The following ACLY variants were observed in gnomAD, a reference collection of about 807,000 sequenced individuals.
ACLY encodes ATP citrate lyase.
ACLY carries 41 observed loss-of-function variants against 133.0 expected under a neutral mutation model. The ratio of observed to expected loss-of-function variants is 0.31; its 90% CI spans 0.24 to 0.40. The LOEUF is 0.40. Ranked by LOEUF, ACLY falls within the 10% of genes least tolerant of loss-of-function variation. The pLI, the probability that ACLY is intolerant of heterozygous loss-of-function variation, is 1.00. For synonymous variants in ACLY, 495 were observed against 549.3 expected, an observed-to-expected ratio of 0.90 and a Z score of 1.38; for missense variants, 1,046 against 1,453.8, an observed-to-expected ratio of 0.72 and a Z score of 4.56.
chr17:41,886,212 C>T lies in ACLY; in HGVS notation c.1972G>A (p.Ala658Thr). The part of the protein sequence containing the change: ...ASKLYRPGSV[A>T]YVSRSGGMSN... Reference sequence around the variant, plus strand: ...ATGCCTCCGGAACGTGAGACATAGGCCACGCTGCCTGGGCGGTACAGTTTG... The same window carrying T: ...ATGCCTCCGGAACGTGAGACATAGGTCACGCTGCCTGGGCGGTACAGTTTG... Residue 658 changes from alanine to threonine, a missense_variant, in exon 18 of 29, where the codon GCC (alanine) becomes ACC (threonine). This residue lies in a region of ACLY where 575 missense variants were observed against 804.2 expected (regional missense o/e 0.71). Transcript: ENST00000352035. The T allele has an allele frequency of 1.2e-6, 2 of 1,614,210 alleles. No homozygotes were observed. Among genetic ancestry groups the T allele is most frequent in the Non-Finnish European group, 8.5e-7 (1 of 1,180,024 alleles).
Position 41,878,146 on chromosome 17 carries a change from T to C in ACLY, c.2444A>G (p.Glu815Gly). 6.3e-7 allele frequency: 1 copy of C among 1,595,538 alleles called. No individual in the cohort carries two copies. The highest frequency in any genetic ancestry group is 1.4e-5 in the African/African-American group (1 of 73,552). The change falls in exon 22 of 29, where the codon GAG (glutamate) becomes GGG (glycine). Residue 815 changes from glutamate to glycine, a missense_variant. Around this residue, in one of 4 missense-constraint regions of ACLY, gnomAD observed 39 missense variants for 30.8 expected, o/e 1.27. Coordinates refer to ENST00000352035, the MANE Select transcript of ACLY (RefSeq NM_001096.3). ...VANGVIVPAQ[E>G]VPPPTVPMDY... ...CATGGGCACGGTTGGGGGCGGCACC[T>C]CCTGGGCAGGTACAATGACTCCATT...
chr17:41,908,948 C>CTGGG (rs2049808526), intron 6 of ACLY, 41 bp downstream of exon 6: 8 of 1,536,892 alleles, frequency 5.2e-6, no homozygotes, highest in African/African-American at 2.7e-5. Context: ...GTCATAGGCA[C>CTGGG]TGGGACCCTT....
chr17:41,901,845 C>G (rs782497018), intron 10 of ACLY, 32 bp from the exon 11 acceptor site: 1 of 1,480,560 alleles, frequency 6.8e-7, no homozygotes, highest in East Asian at 2.3e-5. Flanking sequence ...TGACTAAAAA[C>G]AAGGCAGCCA....
At chr17:41,881,624 T>C (rs1238723581) in intron 20 of ACLY, among the ~76,000 whole-genome samples, 1 of 152,090 alleles carries the variant, frequency 6.6e-6, no homozygotes, top group African/African-American at 2.4e-5. Flanking sequence ...GCTAAATGAC[T>C]TGCCCAGGTC....
upstream of ACLY, among the ~76,000 whole-genome samples, chr17:41,919,726 T>G (rs1488517080): frequency 1.3e-5 from 2 of 152,200 alleles, no homozygotes; most frequent in Admixed American, 1.3e-4. Flanking sequence ...CAGTCTCTTG[T>G]TCCCACCAAC....
intron 17 of ACLY, 110 bp from the exon 18 acceptor site, chr17:41,886,418 A>G: frequency 9.1e-7 from 1 of 1,093,802 alleles, no homozygotes; most frequent in Non-Finnish European, 1.3e-6. Flanking sequence ...GGCTGGGGAG[A>G]GAATGACCAA....
At chr17:41,874,922 C>CA (rs76281431) in intron 22 of ACLY, among the ~76,000 whole-genome samples, 84,350 of 128,014 alleles carry the variant, frequency 0.66, 28,060 homozygotes, top group East Asian at 0.77. Flanking sequence ...TGTGTTATAG[C>CA]AAAAAAAAAA....
intron 11 of ACLY, 114 bp from the exon 12 acceptor site, chr17:41,898,899 G>A: frequency 9.6e-7 from 1 of 1,042,072 alleles, no homozygotes; most frequent in Non-Finnish European, 1.4e-6. Flanking sequence ...CGCATTCAGT[G>A]CAAGACCAAT....
Position 41,883,154 on chromosome 17 carries a change from T to C in ACLY, c.2233A>G (p.Ile745Val), listed in dbSNP as rs534289739. The C allele has an allele frequency of 6.2e-7, 1 of 1,614,064 alleles. No individual in the cohort carries two copies. Residue 745 changes from isoleucine to valine, a missense_variant, in exon 20 of 29, where the codon ATC becomes GTC. Ile to Val is a conservative substitution (Grantham distance 29). Coordinates refer to ENST00000352035, the MANE Select transcript of ACLY (RefSeq NM_001096.3). ...GAGAACATGGTGGCACACGTCCCGA[T>C]GCACCAGCAGACGATGGGCTTAGTG... Reference protein sequence around the residue: ...RLTKPIVCWCIGTCATMFSSE... With the variant: ...RLTKPIVCWCVGTCATMFSSE...
chr17:41,871,285 G>T (rs2048589795), intron 25 of ACLY, among the ~76,000 whole-genome samples: 2 of 151,792 alleles, frequency 1.3e-5, no homozygotes, highest in African/African-American at 4.8e-5. Context: ...GGAGTTGAAA[G>T]CTTAGGTATT....
intron 2 of ACLY, 97 bp from the exon 3 acceptor site, chr17:41,912,639 A>G: frequency 6.8e-7 from 1 of 1,473,908 alleles, no homozygotes; most frequent in Non-Finnish European, 9.3e-7. Flanking sequence ...TTGACTTCCC[A>G]TTCACTCTGC....
chr17:41,885,943 GCT>G lies in ACLY; in HGVS notation c.2072+167_2072+168del, dbSNP rs1430863161. Among the ~76,000 whole-genome samples, 14 of 152,262 alleles carry G rather than the reference GCT, an allele frequency of 9.2e-5. No homozygotes were observed. In the South Asian group the frequency reaches 2.5e-3, roughly 27 times the overall value. The stretch of plus-strand genomic sequence containing the variant: ...CCTGTTCTGTGTTTTCCGATTTCAT[GCT>G]CTGTCAGTCCTGAGACAAGAGCAGT... On this transcript the variant is annotated intron_variant, in intron 18 of 28. Coordinates refer to ENST00000352035, the MANE Select transcript of ACLY (RefSeq NM_001096.3).
chr17:41,924,008 G>T (rs530932094), upstream of ACLY, among the ~76,000 whole-genome samples: 2 of 152,106 alleles, frequency 1.3e-5, no homozygotes, highest in African/African-American at 4.8e-5. Flanking sequence ...ATGAGGTTTC[G>T]CCATGTTGGC....
At chr17:41,900,527 T>C (rs1043011861) in intron 11 of ACLY, among the ~76,000 whole-genome samples, 26 of 151,566 alleles carry the variant, frequency 1.7e-4, no homozygotes, top group African/African-American at 6.3e-4. Context: ...TGAGATCAGC[T>C]TGGGCAACAC....
At position 41,909,614 on chromosome 17, in the gene ACLY, A is replaced by T; in HGVS notation, c.432T>A (p.Asp144Glu). Residue 144 changes from aspartate to glutamate, a missense_variant, in exon 5 of 29, where the codon GAT (aspartate) becomes GAA (glutamate). Physicochemically the swap from Asp to Glu is conservative, Grantham distance 45 (BLOSUM62 2). This residue lies in a region of ACLY where 227 missense variants were observed against 245.6 expected (regional missense o/e 0.92). Transcript: ENST00000352035. ...GCAGCTTCTGGGCCTTGGCGTCCAC[A>T]TCACCCACGTCCACACCCCCCTCGT... ...FHHEGGVDVGDVDAKAQKLLV... is the reference protein window; with the variant it reads ...FHHEGGVDVGEVDAKAQKLLV... 6.2e-7 allele frequency: 1 copy of T among 1,613,946 alleles called. No individual in the cohort carries two copies. The highest frequency in any genetic ancestry group is 8.5e-7 in the Non-Finnish European group (1 of 1,180,002).
rs141060878 is a variant in ACLY at position 41,886,316 on chromosome 17, G to A, written c.1876-8C>T. The stretch of plus-strand genomic sequence containing the variant: ...AGGCTTGATGCCTCCAACCTGTGGG[G>A]GCAGAAACCACAATCAGGGAGGAAG... On this transcript the variant is annotated splice_region_variant and splice_polypyrimidine_tract_variant and intron_variant, in intron 17 of 28. Transcript: ENST00000352035. 5.9e-4 allele frequency: 935 copies of A among 1,595,562 alleles called. 6 individuals carry two copies. In the African/African-American group the frequency reaches 0.011, roughly 20 times the overall value.
chr17:41,879,724 CT>C (rs200302862), intron 20 of ACLY, among the ~76,000 whole-genome samples: 34 of 99,838 alleles, frequency 3.4e-4, no homozygotes, highest in African/African-American at 1.1e-3. Flanking sequence ...TTCTTTCTTT[CT>C]TTTTTTTTTC....
intron 1 of ACLY, among the ~76,000 whole-genome samples, chr17:41,918,323 G>C (rs1392352613): frequency 6.6e-6 from 1 of 152,242 alleles, no homozygotes; most frequent in Non-Finnish European, 1.5e-5. Context: ...CCCTGGGGCA[G>C]CCTGGCCCCG....
intron 14 of ACLY, among the ~76,000 whole-genome samples, chr17:41,894,555 C>CA (rs570391103): frequency 0.017 from 2,156 of 126,854 alleles, 27 homozygotes; most frequent in African/African-American, 0.034. Flanking sequence ...GACCCCACCT[C>CA]AAAAAAAAAA....
Sources: gnomAD v4.1 joint callset for allele counts (sites outside exome capture counted in the v4.1 genomes callset) on GRCh38, gnomAD v4.1.1 for gene constraint, gnomAD v4.1.1 regional missense constraint, MANE v1.5 for transcripts, NCBI Gene and HGNC (gene_info 2026-07-23, HGNC 2026-07-21) for gene names.